CRNKL1: variants seen among roughly 807,000 people sequenced by gnomAD.
The protein encoded by CRNKL1 is crooked neck-like protein 1.
A neutral mutation model predicts 103.7 loss-of-function variants in CRNKL1; 35 were observed. The observed-to-expected ratio is 0.34, with a 90% CI of 0.26 to 0.45. The LOEUF (loss-of-function observed/expected upper bound fraction) is 0.45, where lower values mean the gene tolerates loss of function less well. Ranked by LOEUF, CRNKL1 falls within the 20% of genes least tolerant of loss-of-function variation. The pLI, the probability that CRNKL1 is intolerant of heterozygous loss-of-function variation, is 1.00. For missense variants in CRNKL1, 645 were observed against 836.0 expected (o/e 0.77, Z 2.82); for synonymous variants, 267 against 282.6 (o/e 0.94, Z 0.55).
At chr20:20,036,452 T>G in intron 13 of CRNKL1, 90 bp from the exon 14 acceptor site, 1 of 1,204,502 alleles carries the variant, frequency 8.3e-7, no homozygotes. Flanking sequence ...TCCGGATGAT[T>G]ACCTCCATTT....
chr20:20,038,751 T>C, intron 11 of CRNKL1: 1 of 266,718 alleles, frequency 3.7e-6, no homozygotes, highest in African/African-American at 2.2e-5. Flanking sequence ...TCCCAGGTAC[T>C]CCATATTCTA....
At chr20:20,051,346 T>C (rs1262294688) in intron 1 of CRNKL1, among the ~76,000 whole-genome samples, 2 of 152,262 alleles carry the variant, frequency 1.3e-5, no homozygotes, top group Non-Finnish European at 2.9e-5. Context: ...ATTATCAAAA[T>C]TAATTTCACT....
intron 4 of CRNKL1, 61 bp downstream of exon 4, chr20:20,048,282 T>C (rs183990575): frequency 3.9e-6 from 6 of 1,555,826 alleles, no homozygotes; most frequent in Non-Finnish European, 5.3e-6. Context: ...ATAAAATAAA[T>C]ACAGAAGATG....
intron 7 of CRNKL1, 91 bp from the exon 8 acceptor site, chr20:20,042,607 T>C: frequency 2.5e-6 from 3 of 1,204,910 alleles, no homozygotes; most frequent in Middle Eastern, 2.0e-4. Flanking sequence ...TCAGGCTGAC[T>C]TTCTATATTT....
Position 20,034,856 on chromosome 20 carries a change from TG to T in CRNKL1, c.*1338del. 6.6e-6 allele frequency: 1 copy of T among 152,336 alleles called. No individual in the cohort carries two copies. The highest frequency in any genetic ancestry group is 2.1e-4 in the South Asian group (1 of 4,830). 9.4% of individuals were successfully genotyped at this position (152,336 alleles called of 1,614,324 possible). A position where few individuals can be genotyped will look rare whatever the true frequency, so the allele number is the denominator to read the frequency against. ...CATTACGAAGTAGCTTTTATTCCCT[TG>T]GGTGAATAAGATGTGCACATTTAAT... On this transcript the variant is annotated 3_prime_UTR_variant, in exon 14 of 14. Coordinates refer to ENST00000536226, the MANE Select transcript of CRNKL1 (RefSeq NM_001278628.2).
At position 20,036,089 on chromosome 20, in the gene CRNKL1, CCAAT is replaced by C. The variant is rs1419989654; in HGVS notation, c.*102_*105del. On this transcript the variant is annotated 3_prime_UTR_variant, in exon 14 of 14. Coordinates refer to ENST00000536226, the MANE Select transcript of CRNKL1 (RefSeq NM_001278628.2). ...ACTTAAAAAGTAGCCATCAAAGATA[CCAAT>C]CAATTTCTTACTGGTGAAATATATA... The C allele has an allele frequency of 7.0e-6, 8 of 1,148,766 alleles. No individual in the cohort carries two copies. Among genetic ancestry groups the C allele is most frequent in the African/African-American group, 1.6e-5 (1 of 63,528 alleles). The allele number at this position is 1,148,766 out of a possible 1,614,324, so 71.2% of individuals were successfully genotyped here. A position where few individuals can be genotyped will look rare whatever the true frequency, so the allele number is the denominator to read the frequency against.
At position 20,036,191 on chromosome 20, in the gene CRNKL1, AAGATC is replaced by A; in HGVS notation, c.2063_*3del. ...TAACAAAACATTTGTCTATGAAAAAAAGATCAGGATTCACTCTCATCGACGTCCTC... is the reference window on the plus strand; with the variant it reads ...TAACAAAACATTTGTCTATGAAAAAAAGGATTCACTCTCATCGACGTCCTC... On this transcript the variant is annotated stop_lost and 3_prime_UTR_variant, in exon 14 of 14. Transcript: ENST00000536226. The A allele has an allele frequency of 6.2e-7, 1 of 1,608,888 alleles. No homozygotes were observed. The highest frequency in any genetic ancestry group is 1.7e-5 in the Admixed American group (1 of 58,970).
chr20:20,055,869 AGAAGG>A, upstream of CRNKL1: 1 of 1,119,414 alleles, frequency 8.9e-7, no homozygotes, highest in Non-Finnish European at 1.4e-6. Context: ...TATGAAGGAA[AGAAGG>A]GAGGGAAAGA....
upstream of CRNKL1, chr20:20,052,873 T>G: frequency 1.4e-6 from 1 of 708,972 alleles, no homozygotes; most frequent in Non-Finnish European, 2.3e-6. Flanking sequence ...TAGTAGTCTC[T>G]GGGTCCACGC....
chr20:20,055,684 G>T (rs774561032), upstream of CRNKL1, among the ~76,000 whole-genome samples: 3 of 152,020 alleles, frequency 2.0e-5, no homozygotes, highest in Non-Finnish European at 4.4e-5. Context: ...ATTAGTTTAT[G>T]ATATGTTTCA....
At chr20:20,050,692 AT>A in intron 1 of CRNKL1, 70 bp from the exon 2 acceptor site, 2 of 1,388,636 alleles carry the variant, frequency 1.4e-6, no homozygotes, top group Non-Finnish European at 2.0e-6. Flanking sequence ...ACAAACATAC[AT>A]TTTTTAGGAT....
chr20:20,055,720 TG>T (rs1313635693), upstream of CRNKL1, among the ~76,000 whole-genome samples: 2 of 152,252 alleles, frequency 1.3e-5, no homozygotes, highest in Non-Finnish European at 2.9e-5. Flanking sequence ...ATTCCAATTT[TG>T]CTTTCAATTT....
intron 7 of CRNKL1, among the ~76,000 whole-genome samples, chr20:20,042,776 G>A (rs1440559271): frequency 1.3e-5 from 2 of 152,190 alleles, no homozygotes; most frequent in African/African-American, 4.8e-5. Context: ...TCTCACGACA[G>A]TCAATAATTA....
upstream of CRNKL1, chr20:20,052,524 T>C (rs1256310188): frequency 6.2e-7 from 1 of 1,614,114 alleles, no homozygotes; most frequent in African/African-American, 1.3e-5. Context: ...ACCGTTTCCA[T>C]GGTGACCAGG....
intron 5 of CRNKL1, among the ~76,000 whole-genome samples, chr20:20,046,335 G>A (rs140746831): frequency 2.5e-3 from 384 of 152,290 alleles, no homozygotes; most frequent in African/African-American, 7.7e-3. Context: ...TGCCTGGCAC[G>A]TAGCAAGTGC....
chr20:20,051,684 G>T (rs530796774), intron 1 of CRNKL1, among the ~76,000 whole-genome samples: 1 of 152,324 alleles, frequency 6.6e-6, no homozygotes, highest in Non-Finnish European at 1.5e-5. Context: ...AGGCTTCAAA[G>T]TCTGCCACAT....
At chr20:20,049,745 A>G (rs558208663) in intron 2 of CRNKL1, among the ~76,000 whole-genome samples, 15 of 152,328 alleles carry the variant, frequency 9.8e-5, no homozygotes, top group Admixed American at 2.6e-4. Flanking sequence ...TCTAGAGTGA[A>G]GAGGTCAAAT....
upstream of CRNKL1, chr20:20,052,471 G>T: frequency 1.2e-6 from 2 of 1,614,242 alleles, no homozygotes; most frequent in Non-Finnish European, 8.5e-7. Context: ...GGAACTTGCA[G>T]GACTGACCTT....
intron 1 of CRNKL1, 65 bp from the exon 2 acceptor site, chr20:20,050,687 CAT>C: frequency 6.9e-7 from 1 of 1,445,044 alleles, no homozygotes; most frequent in Non-Finnish European, 9.3e-7. Flanking sequence ...AAGAAACAAA[CAT>C]ACATTTTTTA....
Sources: gnomAD v4.1 joint callset for allele counts (sites outside exome capture counted in the v4.1 genomes callset) on GRCh38, gnomAD v4.1.1 for gene constraint, MANE v1.5 for transcripts, NCBI Gene and HGNC (gene_info 2026-07-23, HGNC 2026-07-21) for gene names.